The following ADAMTSL3 variants were observed in gnomAD, a reference collection of about 807,000 sequenced individuals.
ADAMTSL3 encodes the protein ADAMTS like 3.
Under a neutral mutation model 201.7 loss-of-function variants are expected in ADAMTSL3, and 128 were observed. That is an observed-to-expected ratio of 0.63 (90% CI 0.55 to 0.73). ADAMTSL3 has a LOEUF of 0.73. Ranked by LOEUF, ADAMTSL3 falls within the 30% of genes least tolerant of loss-of-function variation. The pLI, the probability that ADAMTSL3 is intolerant of heterozygous loss-of-function variation, is 0.00. For synonymous variants in ADAMTSL3, 738 were observed against 748.4 expected, an observed-to-expected ratio of 0.99 and a Z score of 0.23; for missense variants, 1,990 against 2,119.6, an observed-to-expected ratio of 0.94 and a Z score of 1.20.
chr15:83,845,832 A>G (rs971440913), intron 7 of ADAMTSL3, among the ~76,000 whole-genome samples: 46 of 152,282 alleles, frequency 3.0e-4, no homozygotes, highest in Middle Eastern at 3.4e-3. Flanking sequence ...ATGAACTGCT[A>G]CTTGGTTGCC....
At chr15:83,712,267 C>G (rs2061944036) in intron 3 of ADAMTSL3, among the ~76,000 whole-genome samples, 2 of 152,168 alleles carry the variant, frequency 1.3e-5, no homozygotes, top group South Asian at 2.1e-4. Context: ...TTATTGATTT[C>G]CCCTTCCCAG....
chr15:83,773,273 T>A (rs906374680), intron 3 of ADAMTSL3, among the ~76,000 whole-genome samples: 27 of 151,666 alleles, frequency 1.8e-4, no homozygotes, highest in African/African-American at 6.5e-4. Flanking sequence ...TTAGGTGTGG[T>A]GGTGGGCGCC....
intron 3 of ADAMTSL3, among the ~76,000 whole-genome samples, chr15:83,725,523 G>T (rs1404866679): frequency 6.6e-6 from 1 of 152,164 alleles, no homozygotes; most frequent in African/African-American, 2.4e-5. Flanking sequence ...TAGTTTCACA[G>T]TTTGAGGTCT....
In ADAMTSL3 at chr15:83,924,029, C is replaced by T. The variant is rs374543603; in HGVS notation, c.2113C>T (p.Pro705Ser). 3.7e-6 allele frequency: 6 copies of T among 1,613,944 alleles called. No individual in the cohort carries two copies. In the African/African-American group the frequency reaches 5.3e-5, roughly 14 times the overall value. Residue 705 changes from proline to serine, a missense_variant, in exon 17 of 30, where the codon CCC (proline) becomes TCC (serine). Coordinates refer to ENST00000286744, the MANE Select transcript of ADAMTSL3 (RefSeq NM_207517.3). ...SQACNTEPCP[P>S]RWHVGSWGPC... ...GGCCTGTAACACAGAGCCCTGTCCC[C>T]CCAGGTATGTGCTGTCTTGTGTTCC...
intron 13 of ADAMTSL3, among the ~76,000 whole-genome samples, chr15:83,896,419 A>G (rs183434252): frequency 1.3e-5 from 2 of 152,226 alleles, no homozygotes; most frequent in Non-Finnish European, 2.9e-5. Context: ...AAAGGAAATT[A>G]TAAGAAATTA....
rs572543532 is a variant in ADAMTSL3 at position 83,926,511 on chromosome 15, GC to G, written c.2117+2481del. Among the ~76,000 whole-genome samples the G allele has an allele frequency of 1.4e-4, 21 of 152,226 alleles. No homozygotes were observed. In the South Asian group the frequency reaches 4.1e-3, roughly 30 times the overall value. ...AAAATTATTTAAAACTAGGGATCCA[GC>G]CCACCACAATTTCATTTGAGCATCC... On this transcript the variant is annotated intron_variant, in intron 17 of 29. Coordinates refer to ENST00000286744, the MANE Select transcript of ADAMTSL3 (RefSeq NM_207517.3).
intron 28 of ADAMTSL3, 60 bp from the exon 29 acceptor site, chr15:84,036,713 A>C (rs1431039029): frequency 2.8e-6 from 4 of 1,407,322 alleles, no homozygotes; most frequent in Non-Finnish European, 3.9e-6. Flanking sequence ...TCCCAGCAAA[A>C]AGTTACACCC....
At chr15:83,734,372 A>G (rs1422723880) in intron 3 of ADAMTSL3, among the ~76,000 whole-genome samples, 1 of 152,210 alleles carries the variant, frequency 6.6e-6, no homozygotes, top group Non-Finnish European at 1.5e-5. Context: ...GGCAAGAATC[A>G]TGATCTAAAA....
rs558622601 is a variant in ADAMTSL3 at position 83,928,528 on chromosome 15, AT to A, written c.2117+4496del. Among the ~76,000 whole-genome samples the A allele has an allele frequency of 1.7e-4, 26 of 152,350 alleles. No homozygotes were observed. In the South Asian group the frequency reaches 5.4e-3, roughly 32 times the overall value. On this transcript the variant is annotated intron_variant, in intron 17 of 29. Coordinates refer to ENST00000286744, the MANE Select transcript of ADAMTSL3 (RefSeq NM_207517.3). The stretch of plus-strand genomic sequence containing the variant: ...AACATGAAAGGCACTTCAAATGAGA[AT>A]GATTTGCATATCACAGGATGAAAAG...
At chr15:84,024,234 C>T (rs1036844171) in intron 26 of ADAMTSL3, among the ~76,000 whole-genome samples, 9 of 152,056 alleles carry the variant, frequency 5.9e-5, no homozygotes, top group Non-Finnish European at 1.2e-4. Context: ...CCAGCCTGGG[C>T]GACAGAATGA....
chr15:83,705,165 G>GA (rs2061831556), intron 3 of ADAMTSL3, among the ~76,000 whole-genome samples: 1 of 152,186 alleles, frequency 6.6e-6, no homozygotes. Context: ...TGGTGAAACA[G>GA]AGAGTTTCAA....
chr15:83,743,315 C>T (rs1451278425), intron 3 of ADAMTSL3, among the ~76,000 whole-genome samples: 2 of 151,786 alleles, frequency 1.3e-5, no homozygotes, highest in African/African-American at 2.4e-5. Context: ...AGATCGAGAC[C>T]ATCCTGGCTA....
intron 19 of ADAMTSL3, 143 bp from the exon 20 acceptor site, chr15:83,970,341 T>C: frequency 1.2e-6 from 1 of 838,608 alleles, no homozygotes. Context: ...ACATAAAAGA[T>C]GTTCAAGCCT....
At chr15:83,886,554 C>T (rs371946912) in intron 10 of ADAMTSL3, among the ~76,000 whole-genome samples, 2 of 152,048 alleles carry the variant, frequency 1.3e-5, no homozygotes, top group South Asian at 2.1e-4. Flanking sequence ...ATGACTTTGC[C>T]CTTTGCCTCC....
intron 6 of ADAMTSL3, among the ~76,000 whole-genome samples, chr15:83,836,136 A>G (rs1236585998): frequency 6.6e-6 from 1 of 152,226 alleles, no homozygotes; most frequent in Non-Finnish European, 1.5e-5. Context: ...ATAAAATCAT[A>G]TAATCAGGAT....
At chr15:83,819,184 TCGCTTGAAC>T (rs2063816158) in intron 5 of ADAMTSL3, among the ~76,000 whole-genome samples, 1 of 147,940 alleles carries the variant, frequency 6.8e-6, no homozygotes, top group African/African-American at 2.5e-5. Context: ...AGCAGGAGAA[TCGCTTGAAC>T]CTGGGAGGCG....
At chr15:83,786,652 C>G (rs961293176) in intron 4 of ADAMTSL3, among the ~76,000 whole-genome samples, 3 of 152,078 alleles carry the variant, frequency 2.0e-5, no homozygotes, top group African/African-American at 7.2e-5. Flanking sequence ...AAACCTGCCG[C>G]TTTTATGTGT....
At chr15:83,801,561 A>C (rs951616303) in intron 4 of ADAMTSL3, among the ~76,000 whole-genome samples, 1 of 147,496 alleles carries the variant, frequency 6.8e-6, no homozygotes, top group Admixed American at 6.8e-5. Flanking sequence ...GAAAACTAAA[A>C]TCTGTAGTGT....
chr15:83,775,082 A>G (rs899176678), intron 4 of ADAMTSL3, among the ~76,000 whole-genome samples: 3 of 152,110 alleles, frequency 2.0e-5, no homozygotes, highest in Admixed American at 2.0e-4. Context: ...CCTGACCTGA[A>G]TGATCCATCT....
Sources: gnomAD v4.1 joint callset for allele counts (sites outside exome capture counted in the v4.1 genomes callset) on GRCh38, gnomAD v4.1.1 for gene constraint, MANE v1.5 for transcripts, NCBI Gene and HGNC (gene_info 2026-07-23, HGNC 2026-07-21) for gene names.